Variants in BACH2 observed in about 807,000 individuals in gnomAD.
The protein encoded by BACH2 is BACH transcriptional regulator 2.
A neutral mutation model predicts 61.8 loss-of-function variants in BACH2; 5 were observed. That is an observed-to-expected ratio of 0.08 (90% CI 0.04 to 0.17). The LOEUF (loss-of-function observed/expected upper bound fraction) is 0.17. BACH2 is among the 10% of genes least tolerant of loss of function. The pLI, the probability that BACH2 is intolerant of heterozygous loss-of-function variation, is 1.00. For missense variants in BACH2, 824 were observed against 1,091.1 expected (o/e 0.76, Z 3.45); for synonymous variants, 446 against 440.1 (o/e 1.01, Z -0.17).
intron 5 of BACH2, among the ~76,000 whole-genome samples, chr6:90,066,402 A>G (rs1047809991): frequency 6.6e-6 from 1 of 152,166 alleles, no homozygotes; most frequent in Non-Finnish European, 1.5e-5. Flanking sequence ...ACTGACTTTC[A>G]GGGATTTGAA....
At chr6:89,962,227 G>C (rs1272293476) in intron 6 of BACH2, among the ~76,000 whole-genome samples, 1 of 152,178 alleles carries the variant, frequency 6.6e-6, no homozygotes, top group Non-Finnish European at 1.5e-5. Context: ...CAGTCTGGGA[G>C]CTTAGCATTT....
At chr6:90,191,348 T>C (rs1768564296) in intron 4 of BACH2, among the ~76,000 whole-genome samples, 1 of 152,218 alleles carries the variant, frequency 6.6e-6, no homozygotes, top group Admixed American at 6.5e-5. Flanking sequence ...TGTCACCGAG[T>C]AAAAGTCCTA....
At chr6:90,210,464 TTC>T (rs1185584862) in intron 3 of BACH2, among the ~76,000 whole-genome samples, 4 of 152,242 alleles carry the variant, frequency 2.6e-5, no homozygotes, top group Middle Eastern at 3.4e-3. Flanking sequence ...ACTGGCCTTG[TTC>T]TATCAAGTAC....
At chr6:90,271,555 A>G (rs1477839872) in intron 2 of BACH2, among the ~76,000 whole-genome samples, 2 of 152,162 alleles carry the variant, frequency 1.3e-5, no homozygotes, top group Admixed American at 6.5e-5. Context: ...ACTAATTTAA[A>G]AAGAACCTAT....
At chr6:90,189,147 AC>A (rs1414798058) in intron 4 of BACH2, among the ~76,000 whole-genome samples, 1 of 152,244 alleles carries the variant, frequency 6.6e-6, no homozygotes, top group Non-Finnish European at 1.5e-5. Flanking sequence ...ACAGAAAAAA[AC>A]AAATACATTT....
intron 6 of BACH2, among the ~76,000 whole-genome samples, chr6:89,997,831 C>A (rs1776935235): frequency 6.6e-6 from 1 of 152,168 alleles, no homozygotes; most frequent in Non-Finnish European, 1.5e-5. Flanking sequence ...AAGGGTGTGG[C>A]CACTGCTCAT....
intron 4 of BACH2, among the ~76,000 whole-genome samples, chr6:90,100,415 T>G (rs1030716758): frequency 6.6e-6 from 1 of 152,136 alleles, no homozygotes; most frequent in Non-Finnish European, 1.5e-5. Flanking sequence ...TTAGATGAGA[T>G]TAACATTTAC....
intron 4 of BACH2, among the ~76,000 whole-genome samples, chr6:90,136,187 G>A (rs954778160): frequency 8.5e-5 from 13 of 152,112 alleles, no homozygotes; most frequent in Non-Finnish European, 1.9e-4. Context: ...TCACTGCTAC[G>A]GCTGAGTTTC....
intron 5 of BACH2, among the ~76,000 whole-genome samples, chr6:90,041,596 G>C (rs966461645): frequency 6.6e-6 from 1 of 152,046 alleles, no homozygotes; most frequent in Non-Finnish European, 1.5e-5. Context: ...TTCTTCTATG[G>C]TGGTTGGTCT....
At chr6:90,296,399 C>T (rs2127897997) in intron 1 of BACH2, 81 bp downstream of exon 1, 1 of 150,806 alleles carries the variant, frequency 6.6e-6, no homozygotes, top group African/African-American at 2.4e-5. Context: ...CCCCGCCCGC[C>T]CCGCGCGCCC....
chr6:89,968,934 C>T (rs1389105123), intron 6 of BACH2, among the ~76,000 whole-genome samples: 2 of 152,012 alleles, frequency 1.3e-5, no homozygotes, highest in Non-Finnish European at 2.9e-5. Flanking sequence ...CTGCTTGAAT[C>T]TGGGAGGCGG....
chr6:90,087,216 A>G (rs921718526), intron 5 of BACH2, among the ~76,000 whole-genome samples: 12 of 152,254 alleles, frequency 7.9e-5, no homozygotes, highest in African/African-American at 2.9e-4. Flanking sequence ...AACTCCAGAG[A>G]GTTATAATAA....
chr6:90,033,972 CTG>C (rs1247410979), intron 5 of BACH2, among the ~76,000 whole-genome samples: 2 of 152,096 alleles, frequency 1.3e-5, no homozygotes, highest in African/African-American at 4.8e-5. Context: ...ATTTTAAATC[CTG>C]TGTGTCTGTG....
chr6:90,113,950 C>A (rs1228641893), intron 4 of BACH2, among the ~76,000 whole-genome samples: 1 of 152,028 alleles, frequency 6.6e-6, no homozygotes, highest in Non-Finnish European at 1.5e-5. Flanking sequence ...ACACATACAC[C>A]CTCCTAAGAC....
rs1231596439 is a variant in BACH2 at position 90,115,776 on chromosome 6, CCAAG to C, written c.-161-26671_-161-26668del. ...CAATATTTGCAAACTACCCATCCAACCAAGGTCTAATATCCAGTATCTGTAAGGA... is the reference window on the plus strand; with the variant it reads ...CAATATTTGCAAACTACCCATCCAACGTCTAATATCCAGTATCTGTAAGGA... On this transcript the variant is annotated intron_variant, in intron 4 of 8. Coordinates refer to ENST00000257749, the MANE Select transcript of BACH2 (RefSeq NM_021813.4). Among the ~76,000 whole-genome samples the C allele has an allele frequency of 2.0e-5, 3 of 152,094 alleles. No individual in the cohort carries two copies. The East Asian group carries it at 5.8e-4, about 29-fold the overall frequency.
intron 1 of BACH2, among the ~76,000 whole-genome samples, chr6:90,283,164 C>G (rs184037373): frequency 1.2e-3 from 179 of 152,222 alleles, no homozygotes; most frequent in African/African-American, 4.0e-3. Context: ...TTGTGAAATG[C>G]ATGTTTAAGA....
At chr6:90,015,584 T>A (rs1778017094) in intron 5 of BACH2, among the ~76,000 whole-genome samples, 1 of 152,230 alleles carries the variant, frequency 6.6e-6, no homozygotes, top group African/African-American at 2.4e-5. Flanking sequence ...TTTTTAGTTA[T>A]CTTTTTGTTA....
At chr6:90,108,478 G>A (rs982219600) in intron 4 of BACH2, among the ~76,000 whole-genome samples, 3 of 152,270 alleles carry the variant, frequency 2.0e-5, no homozygotes, top group South Asian at 2.1e-4. Context: ...ATTAGTGGAC[G>A]CTGCATTACA....
intron 5 of BACH2, among the ~76,000 whole-genome samples, chr6:90,061,424 G>A (rs963331491): frequency 9.9e-5 from 15 of 152,134 alleles, no homozygotes; most frequent in South Asian, 2.1e-4. Flanking sequence ...AGGTTAGGGC[G>A]TGGGTAGAAA....
Sources: gnomAD v4.1 joint callset for allele counts (sites outside exome capture counted in the v4.1 genomes callset) on GRCh38, gnomAD v4.1.1 for gene constraint, MANE v1.5 for transcripts, NCBI Gene and HGNC (gene_info 2026-07-23, HGNC 2026-07-21) for gene names.